The following COMMD1 variants were observed in gnomAD, a reference collection of about 807,000 sequenced individuals.
The protein encoded by COMMD1 is COMM domain-containing protein 1.
A neutral mutation model predicts 17.2 loss-of-function variants in COMMD1; 10 were observed. The ratio of observed to expected loss-of-function variants is 0.58; its 90% CI spans 0.36 to 0.99. The LOEUF is 0.99. Ranked by LOEUF, COMMD1 falls within the 50% of genes least tolerant of loss-of-function variation. The pLI is 0.01. For missense variants in COMMD1, 270 were observed against 231.8 expected, an observed-to-expected ratio of 1.17 and a Z score of -1.07; for synonymous variants, 97 against 91.6, an observed-to-expected ratio of 1.06 and a Z score of -0.34.
chr2:61,945,288 A>G (rs199968596), intron 1 of COMMD1, among the ~76,000 whole-genome samples: 1 of 152,258 alleles, frequency 6.6e-6, no homozygotes, highest in Non-Finnish European at 1.5e-5. Context: ...TTCCATCATT[A>G]TGGAAGCAGG....
At chr2:61,966,167 A>C (rs1194640116) in intron 1 of COMMD1, among the ~76,000 whole-genome samples, 3 of 151,906 alleles carry the variant, frequency 2.0e-5, no homozygotes, top group Non-Finnish European at 4.4e-5. Context: ...TACACTGTGT[A>C]CTCTTTTTTT....
In COMMD1 at chr2:61,977,824, T is replaced by C. The variant is rs1258693631; in HGVS notation, c.181-22877T>C. Among the ~76,000 whole-genome samples, 4 of 148,722 alleles carry C rather than the reference T, an allele frequency of 2.7e-5. No individual in the cohort carries two copies. The South Asian group carries it at 8.6e-4, about 32-fold the overall frequency. On this transcript the variant is annotated intron_variant, in intron 1 of 2. Transcript: ENST00000311832. ...CCATGTGGTGAAACCCCATCTCTACTAAAAATACAAAAATTAGCCCAGGGG... is the reference window on the plus strand; with the variant it reads ...CCATGTGGTGAAACCCCATCTCTACCAAAAATACAAAAATTAGCCCAGGGG...
intron 1 of COMMD1, among the ~76,000 whole-genome samples, chr2:61,926,697 C>A (rs920769942): frequency 6.6e-6 from 1 of 152,178 alleles, no homozygotes; most frequent in Non-Finnish European, 1.5e-5. Flanking sequence ...TCCTTTACTT[C>A]CTCTTTTCTC....
At chr2:61,913,914 G>A (rs1453003550) in intron 1 of COMMD1, among the ~76,000 whole-genome samples, 1 of 151,966 alleles carries the variant, frequency 6.6e-6, no homozygotes, top group African/African-American at 2.4e-5. Context: ...GCTCACGCCT[G>A]TAATCCCAGC....
chr2:61,959,883 G>T (rs1671293406), intron 1 of COMMD1, among the ~76,000 whole-genome samples: 2 of 152,190 alleles, frequency 1.3e-5, no homozygotes, highest in Admixed American at 6.5e-5. Flanking sequence ...CTACTGCTGT[G>T]TCCAGTTTCC....
chr2:61,952,570 A>G (rs536656484), intron 1 of COMMD1, among the ~76,000 whole-genome samples: 3 of 152,156 alleles, frequency 2.0e-5, no homozygotes, highest in Admixed American at 6.5e-5. Context: ...TACATATATG[A>G]TTTCATCCTT....
intron 2 of COMMD1, among the ~76,000 whole-genome samples, chr2:62,053,833 C>T (rs1670612158): frequency 6.6e-6 from 1 of 152,044 alleles, no homozygotes; most frequent in Admixed American, 6.6e-5. Context: ...TAAAATGAGG[C>T]CTGGAAACAG....
chr2:62,121,598 C>T (rs1002977902), intron 2 of COMMD1, among the ~76,000 whole-genome samples: 6 of 151,412 alleles, frequency 4.0e-5, no homozygotes, highest in South Asian at 2.1e-4. Context: ...ATTAGCCAGG[C>T]GTGTTGGTGT....
intron 2 of COMMD1, among the ~76,000 whole-genome samples, chr2:62,071,712 A>G (rs1051654993): frequency 8.5e-5 from 13 of 152,216 alleles, no homozygotes; most frequent in African/African-American, 2.9e-4. Context: ...CCCTCACCCC[A>G]TGATCGACTG....
chr2:61,980,929 A>G (rs1671937147), intron 1 of COMMD1, among the ~76,000 whole-genome samples: 1 of 152,074 alleles, frequency 6.6e-6, no homozygotes, highest in South Asian at 2.1e-4. Flanking sequence ...CTTTTCATGT[A>G]TGTTTGCCTT....
At chr2:61,969,035 C>T (rs184775021) in intron 1 of COMMD1, 43 of 441,400 alleles carry the variant, frequency 9.7e-5, no homozygotes, top group African/African-American at 6.4e-4. Context: ...CATGGCACAC[C>T]GTGGCCTTGA....
chr2:61,963,173 T>C (rs183680162), intron 1 of COMMD1, among the ~76,000 whole-genome samples: 1 of 139,204 alleles, frequency 7.2e-6, no homozygotes, highest in Admixed American at 7.2e-5. Flanking sequence ...AAAAAAAATA[T>C]ATATATATAT....
chr2:62,032,178 G>T (rs1669924856), intron 2 of COMMD1, among the ~76,000 whole-genome samples: 1 of 152,132 alleles, frequency 6.6e-6, no homozygotes, highest in African/African-American at 2.4e-5. Flanking sequence ...GAACTATCCA[G>T]CATGTATGAA....
intron 1 of COMMD1, among the ~76,000 whole-genome samples, chr2:61,928,199 G>A (rs1670377120): frequency 6.6e-6 from 1 of 151,980 alleles, no homozygotes. Context: ...GTTTCCCTCT[G>A]TTGCCTAGCC....
At chr2:61,933,748 A>G (rs1670529766) in intron 1 of COMMD1, among the ~76,000 whole-genome samples, 1 of 150,308 alleles carries the variant, frequency 6.7e-6, no homozygotes, top group Non-Finnish European at 1.5e-5. Flanking sequence ...AAAGACAACA[A>G]GCAACTTTTG....
At chr2:62,002,032 T>C (rs929370180) in intron 2 of COMMD1, among the ~76,000 whole-genome samples, 1 of 151,996 alleles carries the variant, frequency 6.6e-6, no homozygotes, top group Non-Finnish European at 1.5e-5. Context: ...TAGCTGGGCA[T>C]GGTGGCACAT....
At chr2:62,063,868 A>ATATATATATATAT in intron 2 of COMMD1, among the ~76,000 whole-genome samples, 1 of 81,174 alleles carries the variant, frequency 1.2e-5, no homozygotes, top group African/African-American at 4.9e-5. Flanking sequence ...GTCTCTACAA[A>ATATATATATATAT]ATATATATAT....
chr2:62,124,898 A>T (rs140635643), intron 2 of COMMD1, among the ~76,000 whole-genome samples: 64 of 152,116 alleles, frequency 4.2e-4, no homozygotes, highest in African/African-American at 1.4e-3. Context: ...TCAGTGGTAG[A>T]TCTGAAATTT....
At chr2:62,091,431 C>G (rs1573173117) in intron 2 of COMMD1, among the ~76,000 whole-genome samples, 1 of 152,308 alleles carries the variant, frequency 6.6e-6, no homozygotes, top group East Asian at 1.9e-4. Context: ...GTGTATCCAC[C>G]AGGAATGCTG....
Sources: allele counts gnomAD v4.1 joint callset (sites outside exome capture counted in the v4.1 genomes callset), GRCh38; gene constraint gnomAD v4.1.1; transcripts MANE v1.5; gene names NCBI Gene and HGNC (gene_info 2026-07-23, HGNC 2026-07-21).